Variants in MYO16 observed in about 807,000 individuals in gnomAD.
The protein encoded by MYO16 is myosin XVI.
A neutral mutation model predicts 205.3 loss-of-function variants in MYO16; 94 were observed. The ratio of observed to expected loss-of-function variants is 0.46; its 90% confidence interval spans 0.39 to 0.54. The LOEUF (loss-of-function observed/expected upper bound fraction) is 0.54. Ranked by LOEUF, MYO16 falls within the 20% of genes least tolerant of loss-of-function variation. MYO16 has a pLI of 0.00. For missense variants in MYO16, 2,315 were observed against 2,387.5 expected (o/e 0.97, Z 0.63); for synonymous variants, 988 against 954.0 (o/e 1.04, Z -0.66).
intron 23 of MYO16, among the ~76,000 whole-genome samples, chr13:109,038,455 C>T (rs180726356): frequency 3.0e-4 from 46 of 150,890 alleles, no homozygotes; most frequent in African/African-American, 8.5e-4. Flanking sequence ...TCCTGGATTT[C>T]GGGCCCTCTG....
chr13:109,072,574 AACACACACACACAC>A (rs66755145), intron 27 of MYO16, among the ~76,000 whole-genome samples: 4 of 149,212 alleles, frequency 2.7e-5, no homozygotes, highest in African/African-American at 9.8e-5. Flanking sequence ...TGTGGCATTA[AACACACACACACAC>A]ACACACACAC....
At chr13:109,074,916 T>C (rs1472733096) in intron 27 of MYO16, among the ~76,000 whole-genome samples, 1 of 152,230 alleles carries the variant, frequency 6.6e-6, no homozygotes, top group East Asian at 1.9e-4. Context: ...CCAAACCATG[T>C]CACCTCCTAT....
At chr13:108,664,822 G>C (rs1465366817) in intron 1 of MYO16, among the ~76,000 whole-genome samples, 2 of 152,116 alleles carry the variant, frequency 1.3e-5, no homozygotes, top group African/African-American at 4.8e-5. Context: ...CAGGTGCTTT[G>C]ACTGGTGTTT....
At chr13:108,551,998 T>G in the MYO16 span, among the ~76,000 whole-genome samples, 1 of 152,168 alleles carries the variant, frequency 6.6e-6, no homozygotes, top group Non-Finnish European at 1.5e-5. Flanking sequence ...GCAAGTTAAC[T>G]TCTACAGAGC....
chr13:108,953,959 C>T (rs774916320), intron 16 of MYO16, among the ~76,000 whole-genome samples: 6 of 152,190 alleles, frequency 3.9e-5, no homozygotes, highest in Non-Finnish European at 7.3e-5. Flanking sequence ...AGGCAAACTG[C>T]CCTTTCAGAT....
the MYO16 span, among the ~76,000 whole-genome samples, chr13:108,558,133 A>G: frequency 6.6e-6 from 1 of 152,218 alleles, no homozygotes; most frequent in Admixed American, 6.5e-5. Context: ...TTCCACAAAC[A>G]GTGCTTGAAT....
chr13:108,537,660 TG>T, the MYO16 span, among the ~76,000 whole-genome samples: 296 of 152,192 alleles, frequency 1.9e-3, 1 homozygote, highest in African/African-American at 6.0e-3. Context: ...CACCAACATT[TG>T]TTTTTTTGTT....
intron 1 of MYO16, among the ~76,000 whole-genome samples, chr13:108,653,016 T>C (rs1881080352): frequency 6.6e-6 from 1 of 152,204 alleles, no homozygotes; most frequent in African/African-American, 2.4e-5. Context: ...AGTGAACAAG[T>C]GTTACAATTT....
intron 3 of MYO16, 50 bp from the exon 4 acceptor site, chr13:108,727,390 C>T: frequency 6.4e-7 from 1 of 1,561,030 alleles, no homozygotes. Flanking sequence ...TGGAATAAGC[C>T]ATATCACAGT....
At chr13:108,516,957 G>T in the MYO16 span, among the ~76,000 whole-genome samples, 7 of 151,812 alleles carry the variant, frequency 4.6e-5, no homozygotes, top group Non-Finnish European at 1.0e-4. Flanking sequence ...TAGAGACAGG[G>T]TCTCACTCTG....
chr13:108,549,166 T>C, the MYO16 span, among the ~76,000 whole-genome samples: 5 of 152,186 alleles, frequency 3.3e-5, no homozygotes, highest in African/African-American at 4.8e-5. Flanking sequence ...TTACTTCACA[T>C]TGCAAAGGTG....
At chr13:108,628,712 A>G (rs1594156231), upstream of MYO16, among the ~76,000 whole-genome samples, 4 of 152,294 alleles carry the variant, frequency 2.6e-5, no homozygotes, top group Admixed American at 2.6e-4. Flanking sequence ...TAATAAAAGC[A>G]CTGCTCTTTG....
intron 1 of MYO16, among the ~76,000 whole-genome samples, chr13:108,644,639 C>A (rs1880671660): frequency 6.6e-6 from 1 of 152,082 alleles, no homozygotes; most frequent in Admixed American, 6.6e-5. Flanking sequence ...AAATGCATAG[C>A]ATTTAACATC....
chr13:108,804,800 AC>A (rs1887065284), intron 6 of MYO16, among the ~76,000 whole-genome samples: 1 of 152,182 alleles, frequency 6.6e-6, no homozygotes, highest in Non-Finnish European at 1.5e-5. Context: ...TGGTAGTAAC[AC>A]TTTGGATAGA....
chr13:108,636,640 A>C (rs1461575474), intron 1 of MYO16, among the ~76,000 whole-genome samples: 2 of 152,042 alleles, frequency 1.3e-5, no homozygotes, highest in African/African-American at 4.8e-5. Context: ...GGCCTCCCAA[A>C]GTGCTGGGAT....
At chr13:108,801,788 C>G (rs1220324138) in intron 6 of MYO16, among the ~76,000 whole-genome samples, 1 of 152,040 alleles carries the variant, frequency 6.6e-6, no homozygotes, top group East Asian at 1.9e-4. Flanking sequence ...TAACCAGGCC[C>G]AAAGAGACCG....
rs537777099 is a variant in MYO16, at chr13:108,927,714, G to A, written c.1925+17564G>A. Among the ~76,000 whole-genome samples the A allele has an allele frequency of 3.0e-4, 46 of 152,352 alleles. No individual in the cohort carries two copies. In the South Asian group the frequency reaches 7.2e-3, roughly 24 times the overall value. On this transcript the variant is annotated intron_variant, in intron 16 of 34. Transcript: ENST00000457511. ...CGGACAGACATGGCTCTGTCCTTGC[G>A]CATGCCCTGGAGGTGTGGAGCCCTG...
chr13:108,683,614 A>T (rs1426189294), intron 2 of MYO16, among the ~76,000 whole-genome samples: 1 of 152,214 alleles, frequency 6.6e-6, no homozygotes, highest in Non-Finnish European at 1.5e-5. Context: ...CCCTGGGACA[A>T]CATAGATTTG....
chr13:109,191,363 T>G (rs527791712), intron 34 of MYO16, among the ~76,000 whole-genome samples: 1 of 152,174 alleles, frequency 6.6e-6, no homozygotes, highest in African/African-American at 2.4e-5. Context: ...GAAGTTAAAT[T>G]CTAGCATGGA....
Sources: allele counts gnomAD v4.1 joint callset (sites outside exome capture counted in the v4.1 genomes callset), GRCh38; gene constraint gnomAD v4.1.1; transcripts MANE v1.5; gene names NCBI Gene and HGNC (gene_info 2026-07-23, HGNC 2026-07-21).